LRRTM4: variants seen among roughly 807,000 people sequenced by gnomAD.
LRRTM4 encodes leucine-rich repeat transmembrane neuronal protein 4.
LRRTM4 carries 25 observed loss-of-function variants against 47.6 expected under a neutral mutation model. The observed-to-expected ratio is 0.53, with a 90% CI of 0.38 to 0.73. The LOEUF is 0.73. Among genes scored for constraint, LRRTM4 ranks in the 30% least tolerant of loss-of-function variants. The probability of loss-of-function intolerance (pLI) is 0.00; values close to 1 mark genes in which losing one functional copy is unlikely to be tolerated. For missense variants in LRRTM4, 638 were observed against 713.4 expected (o/e 0.89, Z 1.20); for synonymous variants, 311 against 269.5 (o/e 1.15, Z -1.51).
intron 3 of LRRTM4, among the ~76,000 whole-genome samples, chr2:76,764,548 A>G (rs1451417676): frequency 3.3e-5 from 5 of 152,078 alleles, no homozygotes; most frequent in Non-Finnish European, 5.9e-5. Flanking sequence ...GGAGACTGGC[A>G]TGAACCCGGG....
rs577445929 is a variant in LRRTM4, at chr2:77,129,933, A to AGTGAC, written c.1552-381022_1552-381018dup. Among the ~76,000 whole-genome samples, 9 of 152,298 alleles carry AGTGAC rather than the reference A, an allele frequency of 5.9e-5. No homozygotes were observed. The South Asian group carries it at 1.9e-3, about 32-fold the overall frequency. On this transcript the variant is annotated intron_variant, in intron 3 of 3. Transcript: ENST00000409884. Reference sequence around the variant, plus strand: ...CTTCATATTCAAGAGTGTGTGAGAGAGTGACGTGCCTAAAAATACGAATAA... The same window carrying AGTGAC: ...CTTCATATTCAAGAGTGTGTGAGAGAGTGACGTGACGTGCCTAAAAATACGAATAA...
intron 3 of LRRTM4, among the ~76,000 whole-genome samples, chr2:76,853,892 C>A (rs953374970): frequency 4.6e-5 from 7 of 152,114 alleles, no homozygotes; most frequent in African/African-American, 1.7e-4. Context: ...TCTCTCAATG[C>A]CAAAATGTTT....
At chr2:76,967,005 C>A (rs1676048039) in intron 3 of LRRTM4, among the ~76,000 whole-genome samples, 1 of 151,412 alleles carries the variant, frequency 6.6e-6, no homozygotes, top group Admixed American at 6.6e-5. Context: ...TTTAAAACTG[C>A]CAAATCACCT....
chr2:77,279,739 C>T (rs546012545), intron 3 of LRRTM4, among the ~76,000 whole-genome samples: 1 of 151,926 alleles, frequency 6.6e-6, no homozygotes, highest in Middle Eastern at 3.4e-3. Flanking sequence ...CACTCAACTT[C>T]AACAATTTCG....
At chr2:77,129,351 A>G (rs1671734640) in intron 3 of LRRTM4, among the ~76,000 whole-genome samples, 1 of 152,228 alleles carries the variant, frequency 6.6e-6, no homozygotes, top group Non-Finnish European at 1.5e-5. Context: ...CTAAGCAGTT[A>G]CAGTTATGAT....
At chr2:77,468,769 C>T (rs1360854307) in intron 3 of LRRTM4, among the ~76,000 whole-genome samples, 1 of 152,078 alleles carries the variant, frequency 6.6e-6, no homozygotes, top group African/African-American at 2.4e-5. Context: ...GTGTCCTGGC[C>T]AAACTCTCAT....
chr2:77,283,619 A>G (rs1463611018), intron 3 of LRRTM4, among the ~76,000 whole-genome samples: 1 of 152,118 alleles, frequency 6.6e-6, no homozygotes, highest in Non-Finnish European at 1.5e-5. Flanking sequence ...GTTCATATAC[A>G]CCATGGAATA....
chr2:77,062,921 A>G (rs1407144759), intron 3 of LRRTM4, among the ~76,000 whole-genome samples: 1 of 147,050 alleles, frequency 6.8e-6, no homozygotes, highest in African/African-American at 2.5e-5. Flanking sequence ...TTCTGTGTTC[A>G]GTTCCTCTTG....
Position 76,842,454 on chromosome 2 carries a change from A to G in LRRTM4, c.1552-93538T>C, listed in dbSNP as rs544801003. ...TATGATGCTCTTTGATTTCCATTGT[A>G]TATTGAAAATACCATAAGTCGAAAA... On this transcript the variant is annotated intron_variant, in intron 3 of 3. Coordinates refer to ENST00000409884, the MANE Select transcript of LRRTM4 (RefSeq NM_001134745.3). Among the ~76,000 whole-genome samples, 57 of 152,330 alleles carry G rather than the reference A, an allele frequency of 3.7e-4. No homozygotes were observed. In the South Asian group the frequency reaches 0.011, roughly 30 times the overall value.
At chr2:77,434,092 T>C (rs1675493398) in intron 3 of LRRTM4, among the ~76,000 whole-genome samples, 1 of 152,110 alleles carries the variant, frequency 6.6e-6, no homozygotes, top group African/African-American at 2.4e-5. Flanking sequence ...AGATGTGAGA[T>C]TGCCCTACTA....
chr2:76,754,215 A>G lies in LRRTM4; in HGVS notation c.1552-5299T>C, dbSNP rs532498293. Among the ~76,000 whole-genome samples the G allele has an allele frequency of 2.6e-4, 40 of 152,320 alleles. No individual in the cohort carries two copies. The South Asian group carries it at 7.9e-3, about 30-fold the overall frequency. Reference sequence around the variant, plus strand: ...GAAAGTAAAATTAATTTTAAAATGAATGTCCATAGCTAAATGAATATATAA... The same window carrying G: ...GAAAGTAAAATTAATTTTAAAATGAGTGTCCATAGCTAAATGAATATATAA... On this transcript the variant is annotated intron_variant, in intron 3 of 3. Transcript: ENST00000409884.
intron 3 of LRRTM4, among the ~76,000 whole-genome samples, chr2:77,292,695 T>G (rs867710300): frequency 0.02 from 1,516 of 75,908 alleles, 12 homozygotes; most frequent in African/African-American, 0.021. Context: ...TGGGGACTGT[T>G]GTGGGGTGGG....
chr2:77,428,425 T>C (rs1675213425), intron 3 of LRRTM4, among the ~76,000 whole-genome samples: 1 of 152,214 alleles, frequency 6.6e-6, no homozygotes. Flanking sequence ...CTGTGGTTAA[T>C]GTTCTTATTT....
chr2:76,985,607 T>C (rs913817237), intron 3 of LRRTM4, among the ~76,000 whole-genome samples: 1 of 151,994 alleles, frequency 6.6e-6, no homozygotes, highest in Non-Finnish European at 1.5e-5. Flanking sequence ...AATTCTGTTA[T>C]GTCAAATGTC....
chr2:77,286,997 A>G (rs1470293433), intron 3 of LRRTM4, among the ~76,000 whole-genome samples: 2 of 152,088 alleles, frequency 1.3e-5, no homozygotes, highest in African/African-American at 4.8e-5. Flanking sequence ...TTTCTTGCTC[A>G]ATACTAACTT....
intron 3 of LRRTM4, among the ~76,000 whole-genome samples, chr2:77,006,603 T>C (rs1677659820): frequency 6.6e-6 from 1 of 151,902 alleles, no homozygotes; most frequent in South Asian, 2.1e-4. Context: ...AGCTGGAGAG[T>C]AGCCCCCAGA....
chr2:76,940,875 T>C (rs1017365186), intron 3 of LRRTM4, among the ~76,000 whole-genome samples: 1 of 151,748 alleles, frequency 6.6e-6, no homozygotes, highest in African/African-American at 2.4e-5. Flanking sequence ...GTTTTTCTTC[T>C]CTCTCTTTTC....
At chr2:77,018,438 T>A (rs986186388) in intron 3 of LRRTM4, among the ~76,000 whole-genome samples, 1 of 152,028 alleles carries the variant, frequency 6.6e-6, no homozygotes, top group Non-Finnish European at 1.5e-5. Flanking sequence ...AGCTGCCATA[T>A]CATATCTGTG....
At chr2:76,936,954 C>CAAAAAAAAAAAAAAAAAAAA (rs56140303) in intron 3 of LRRTM4, among the ~76,000 whole-genome samples, 1 of 22,692 alleles carries the variant, frequency 4.4e-5, no homozygotes, top group Non-Finnish European at 8.9e-5. Flanking sequence ...GACTCCATCT[C>CAAAAAAAAAAAAAAAAAAAA]AAAAAAAAAA....
Sources: allele counts gnomAD v4.1 joint callset (sites outside exome capture counted in the v4.1 genomes callset), GRCh38; gene constraint gnomAD v4.1.1; transcripts MANE v1.5; gene names NCBI Gene and HGNC (gene_info 2026-07-23, HGNC 2026-07-21).